The following SMARCA4 variants were observed in gnomAD, a reference collection of about 807,000 sequenced individuals.
The protein encoded by SMARCA4 is SWI/SNF-related matrix-associated actin-dependent regulator of chromatin subfamily A member 4.
A neutral mutation model predicts 193.9 loss-of-function variants in SMARCA4; 31 were observed. The ratio of observed to expected loss-of-function variants is 0.16; its 90% CI spans 0.12 to 0.22. The LOEUF (loss-of-function observed/expected upper bound fraction) is 0.22, where lower values mean the gene tolerates loss of function less well. Ranked by LOEUF, SMARCA4 falls within the 10% of genes least tolerant of loss-of-function variation. The pLI, the probability that SMARCA4 is intolerant of heterozygous loss-of-function variation, is 1.00. For synonymous variants in SMARCA4, 942 were observed against 933.1 expected (o/e 1.01, Z -0.17); for missense variants, 1,148 against 2,296.0 (o/e 0.50, Z 10.22).
At position 10,985,057 on chromosome 19, in the gene SMARCA4, C is replaced by T. The variant is rs557943473; in HGVS notation, c.223-216C>T. ...GCTTGACCACAGTCTCCCATATGCT[C>T]GTGCTCCACTGGGCGACATTTATTT... On this transcript the variant is annotated intron_variant, in intron 2 of 34. Transcript: ENST00000344626. This position sits in a 1 kb window ranked among gnomAD's most constrained non-coding sequence, Gnocchi z 4.5. Among the ~76,000 whole-genome samples the T allele has an allele frequency of 5.3e-5, 8 of 152,258 alleles. No homozygotes were observed. Among genetic ancestry groups the T allele is most frequent in the Admixed American group, 2.6e-4 (4 of 15,294 alleles).
intron 1 of SMARCA4, among the ~76,000 whole-genome samples, chr19:10,972,179 A>C (rs2084729894): frequency 6.6e-6 from 1 of 151,946 alleles, no homozygotes; most frequent in Non-Finnish European, 1.5e-5. Flanking sequence ...GGCTGGTCTC[A>C]AACTCCTGAC....
chr19:10,975,503 G>T (rs2085059613), intron 1 of SMARCA4, among the ~76,000 whole-genome samples: 1 of 151,444 alleles, frequency 6.6e-6, no homozygotes, highest in Admixed American at 6.6e-5. Flanking sequence ...TAGAGATAGG[G>T]TTTCACCATG....
rs1261964995 is a variant in SMARCA4, at chr19:10,984,110, C to G, written c.-31-11C>G. The G allele has an allele frequency of 1.9e-6, 3 of 1,612,858 alleles. No individual in the cohort carries two copies. The highest frequency in any genetic ancestry group is 2.5e-6 in the Non-Finnish European group (3 of 1,179,446). On this transcript the variant is annotated splice_polypyrimidine_tract_variant and intron_variant, in intron 1 of 34. Coordinates refer to ENST00000344626, the MANE Select transcript of SMARCA4 (RefSeq NM_003072.5). The surrounding 1 kb of genome is among the most constrained non-coding windows in gnomAD (Gnocchi z 4.3). The stretch of plus-strand genomic sequence containing the variant: ...GTCATGAACCCCAGACTGACCAGGA[C>G]TGTCTTCCAGCAGGAGGCCACTGTC...
Position 11,044,056 on chromosome 19 carries a change from A to G in SMARCA4, c.4424+2496A>G, listed in dbSNP as rs572056845. ...CAGACCCTCCCCATGTTTTATTTCT[A>G]ATGATAATCTTGTGAGGGAAACTTA... On this transcript the variant is annotated intron_variant, in intron 30 of 34. Transcript: ENST00000344626. Among the ~76,000 whole-genome samples the G allele has an allele frequency of 3.9e-5, 6 of 152,300 alleles. No homozygotes were observed. The East Asian group carries it at 1.2e-3, about 29-fold the overall frequency.
intron 1 of SMARCA4, among the ~76,000 whole-genome samples, chr19:10,966,958 G>A (rs954582099): frequency 6.6e-6 from 1 of 152,162 alleles, no homozygotes; most frequent in African/African-American, 2.4e-5. Context: ...GAAGGTATGA[G>A]AGGGAACAGG....
chr19:11,025,629 G>C, intron 22 of SMARCA4, 121 bp downstream of exon 22: 1 of 751,196 alleles, frequency 1.3e-6, no homozygotes, highest in Non-Finnish European at 2.4e-6. Context: ...GGTAATGCCT[G>C]TACATCTGTC....
rs141224876 is a variant in SMARCA4 at position 11,060,089 on chromosome 19, G to C, written c.4813G>C (p.Ala1605Pro). ...VKIKLGRKEK[A>P]QDRLKGGRRR... Reference sequence around the variant, plus strand: ...GATCAAGCTTGGCCGGAAGGAGAAGGCACAGGACCGGCTGAAGGGCGGCCG... The same window carrying C: ...GATCAAGCTTGGCCGGAAGGAGAAGCCACAGGACCGGCTGAAGGGCGGCCG... The change falls in exon 34 of 35, where the codon GCA (alanine) becomes CCA (proline). Residue 1605 changes from alanine (A) to proline (P), a missense_variant. Ala to Pro is a conservative substitution (Grantham distance 27). Around this residue, in one of 17 missense-constraint regions of SMARCA4, gnomAD observed 105 missense variants for 133.7 expected, o/e 0.79. Transcript: ENST00000344626. 1.3e-6 allele frequency: 2 copies of C among 1,553,268 alleles called. No homozygotes were observed. The highest frequency in any genetic ancestry group is 1.7e-6 in the Non-Finnish European group (2 of 1,148,060).
At position 11,019,764 on chromosome 19, in the gene SMARCA4, C is replaced by A; in HGVS notation, c.2616+63C>A. The A allele has an allele frequency of 9.1e-7, 1 of 1,104,732 alleles. No individual in the cohort carries two copies. The highest frequency in any genetic ancestry group is 1.4e-6 in the Non-Finnish European group (1 of 729,998). 68.4% of individuals were successfully genotyped at this position (1,104,732 alleles called of 1,614,324 possible). ...GAGTGCTCACACGTGGGTCACGCTG[C>A]CCGTCTCCTCCAAAGCCCCTACAAG... On this transcript the variant is annotated intron_variant, in intron 18 of 34. Transcript: ENST00000344626. This position sits in a 1 kb window ranked among gnomAD's most constrained non-coding sequence, Gnocchi z 6.1.
chr19:10,968,960 C>T (rs1368557596), intron 1 of SMARCA4, among the ~76,000 whole-genome samples: 1 of 152,180 alleles, frequency 6.6e-6, no homozygotes, highest in African/African-American at 2.4e-5. Flanking sequence ...GGGAGTGGCT[C>T]TTTACTTGCC....
At chr19:11,012,864 C>A (rs969623939) in intron 15 of SMARCA4, 85 bp from the exon 16 acceptor site, 18 of 1,279,450 alleles carry the variant, frequency 1.4e-5, no homozygotes, top group Non-Finnish European at 2.0e-5. Flanking sequence ...TCGTGGCTGG[C>A]GGTGTCTTGA....
At position 11,019,565 on chromosome 19, in the gene SMARCA4, A is replaced by G. The variant is rs1421362356; in HGVS notation, c.2506-26A>G. 2 of 1,539,706 alleles carry G rather than the reference A, an allele frequency of 1.3e-6. No homozygotes were observed. Among genetic ancestry groups the G allele is most frequent in the Middle Eastern group, 1.7e-4 (1 of 5,968 alleles). The stretch of plus-strand genomic sequence containing the variant: ...CCTGGCCACCCGGCTCCAAAAGCCG[A>G]GCTGTGCATCCTGCTTCCCTTGCAG... On this transcript the variant is annotated intron_variant, in intron 17 of 34. Transcript: ENST00000344626. This position sits in a 1 kb window ranked among gnomAD's most constrained non-coding sequence, Gnocchi z 6.1.
At chr19:10,971,044 A>G (rs2145516842) in intron 1 of SMARCA4, among the ~76,000 whole-genome samples, 1 of 152,196 alleles carries the variant, frequency 6.6e-6, no homozygotes, top group East Asian at 1.9e-4. Flanking sequence ...TAAAAATACA[A>G]AATTAGCTGG....
Position 11,058,349 on chromosome 19 carries a change from T to G in SMARCA4, c.4519T>G (p.Phe1507Val). Reference sequence around the variant, plus strand: ...CGAGCTCATCCGCAAGCCCGTGGACTTCAAGAAGATAAAGGTAACCCTGAC... The same window carrying G: ...CGAGCTCATCCGCAAGCCCGTGGACGTCAAGAAGATAAAGGTAACCCTGAC... Reference protein sequence around the residue: ...YYELIRKPVDFKKIKERIRNH... With the variant: ...YYELIRKPVDVKKIKERIRNH... Residue 1507 changes from phenylalanine to valine, a missense_variant, in exon 31 of 35, where the codon TTC becomes GTC. This residue lies in a region of SMARCA4 where 141 missense variants were observed against 193.0 expected (regional missense o/e 0.73). Transcript: ENST00000344626. The surrounding 1 kb of genome is among the most constrained non-coding windows in gnomAD (Gnocchi z 5.8). 2 of 1,611,364 alleles carry G rather than the reference T, an allele frequency of 1.2e-6. No individual in the cohort carries two copies. The highest frequency in any genetic ancestry group is 1.7e-6 in the Non-Finnish European group (2 of 1,177,806).
At chr19:10,995,391 G>T in intron 9 of SMARCA4, 1 of 466,700 alleles carries the variant, frequency 2.1e-6, no homozygotes, top group South Asian at 1.5e-5. Flanking sequence ...TCTGGGCCAG[G>T]TGCTGCTCTG....
chr19:11,043,439 A>G (rs2146855048), intron 30 of SMARCA4, among the ~76,000 whole-genome samples: 3 of 152,336 alleles, frequency 2.0e-5, no homozygotes, highest in Middle Eastern at 6.8e-3. Flanking sequence ...TCACAAACCT[A>G]ACTCCAAGGC....
rs2076669999 is a variant in SMARCA4, at chr19:11,058,415, C to A, written c.4533+52C>A. 8.2e-7 allele frequency: 1 copy of A among 1,222,238 alleles called. No homozygotes were observed. The highest frequency in any genetic ancestry group is 1.2e-6 in the Non-Finnish European group (1 of 829,564). The allele number at this position is 1,222,238 out of a possible 1,614,324, so 75.7% of individuals were successfully genotyped here. The stretch of plus-strand genomic sequence containing the variant: ...CGCATGTGCCCGGAGGGGAGTCTGA[C>A]CCAGGGGCACCCCCATCTGAGAGCT... On this transcript the variant is annotated intron_variant, in intron 31 of 34. Coordinates refer to ENST00000344626, the MANE Select transcript of SMARCA4 (RefSeq NM_003072.5). The surrounding 1 kb of genome is among the most constrained non-coding windows in gnomAD (Gnocchi z 5.8).
At chr19:11,050,295 T>G (rs2076187824) in intron 30 of SMARCA4, among the ~76,000 whole-genome samples, 1 of 152,214 alleles carries the variant, frequency 6.6e-6, no homozygotes, top group East Asian at 1.9e-4. Flanking sequence ...AGGCGGGCCC[T>G]CTGGGTTCCA....
At chr19:10,989,289 C>A (rs113425538) in intron 6 of SMARCA4, 28 bp from the exon 7 acceptor site, 1 of 1,613,404 alleles carries the variant, frequency 6.2e-7, no homozygotes, top group Non-Finnish European at 8.5e-7. Flanking sequence ...ACCCTCTCAC[C>A]GCCTTTGCTC....
At chr19:11,018,841 C>G in intron 16 of SMARCA4, 116 bp from the exon 17 acceptor site, 1 of 845,376 alleles carries the variant, frequency 1.2e-6, no homozygotes, top group African/African-American at 1.7e-5. Context: ...TTTCTCTGCC[C>G]ACTCGGAGGG....
Sources: gnomAD v4.1 joint callset for allele counts (sites outside exome capture counted in the v4.1 genomes callset) on GRCh38, gnomAD v4.1.1 for gene constraint, gnomAD v4.1.1 regional missense constraint, Gnocchi (gnomAD v3.1) non-coding constraint, MANE v1.5 for transcripts, NCBI Gene and HGNC (gene_info 2026-07-23, HGNC 2026-07-21) for gene names.